GAP43: variants seen among roughly 807,000 people sequenced by gnomAD.
GAP43 encodes the protein growth associated protein 43.
GAP43 carries 6 observed loss-of-function variants against 18.6 expected under a neutral mutation model. The observed-to-expected ratio is 0.32, with a 90% CI of 0.18 to 0.64. The LOEUF (loss-of-function observed/expected upper bound fraction) is 0.64, where lower values mean the gene tolerates loss of function less well. Ranked by LOEUF, GAP43 falls within the 30% of genes least tolerant of loss-of-function variation. The pLI, the probability that GAP43 is intolerant of heterozygous loss-of-function variation, is 0.78. For synonymous variants in GAP43, 115 were observed against 111.4 expected (o/e 1.03, Z -0.20); for missense variants, 292 against 295.5 (o/e 0.99, Z 0.09).
At chr3:115,719,452 A>C (rs1020326075) in intron 2 of GAP43, among the ~76,000 whole-genome samples, 2 of 152,126 alleles carry the variant, frequency 1.3e-5, no homozygotes, top group South Asian at 2.1e-4. Context: ...TTTATGCTGA[A>C]CATCTATTTT....
intron 1 of GAP43, among the ~76,000 whole-genome samples, chr3:115,629,025 A>C (rs1708227194): frequency 6.6e-6 from 1 of 152,198 alleles, no homozygotes; most frequent in African/African-American, 2.4e-5. Flanking sequence ...GATACTGTCC[A>C]TCCAGCCTCA....
At chr3:115,629,394 A>G (rs1019316116) in intron 1 of GAP43, among the ~76,000 whole-genome samples, 15 of 145,448 alleles carry the variant, frequency 1.0e-4, no homozygotes, top group Non-Finnish European at 1.5e-4. Context: ...CCAAATTCCA[A>G]CAGCCCCCCT....
chr3:115,694,470 G>A (rs1175128272), intron 2 of GAP43, among the ~76,000 whole-genome samples: 1 of 152,154 alleles, frequency 6.6e-6, no homozygotes, highest in South Asian at 2.1e-4. Flanking sequence ...AATTACAATA[G>A]CAACAATAAT....
intron 1 of GAP43, among the ~76,000 whole-genome samples, chr3:115,669,635 A>G (rs1655801523): frequency 6.6e-6 from 1 of 152,238 alleles, no homozygotes; most frequent in South Asian, 2.1e-4. Context: ...ACAACTTTTC[A>G]GACTGGAAAC....
At chr3:115,713,372 G>T (rs997079210) in intron 2 of GAP43, among the ~76,000 whole-genome samples, 1 of 152,174 alleles carries the variant, frequency 6.6e-6, no homozygotes, top group East Asian at 1.9e-4. Flanking sequence ...CAGGTCCCAA[G>T]AGGTAATGTT....
chr3:115,666,032 G>GTGTGTGTGTGT (rs1296744042), intron 1 of GAP43, among the ~76,000 whole-genome samples: 2 of 150,336 alleles, frequency 1.3e-5, no homozygotes, highest in African/African-American at 4.9e-5. Context: ...GTGTGTGTGT[G>GTGTGTGTGTGT]GTTGGGGGAT....
chr3:115,681,852 C>T (rs75699585), intron 2 of GAP43, among the ~76,000 whole-genome samples: 219 of 152,204 alleles, frequency 1.4e-3, no homozygotes, highest in African/African-American at 5.1e-3. Context: ...TTTAGGGAGA[C>T]TATGGGACTT....
At chr3:115,657,409 TC>T (rs1708597095) in intron 1 of GAP43, among the ~76,000 whole-genome samples, 1 of 152,178 alleles carries the variant, frequency 6.6e-6, no homozygotes, top group Non-Finnish European at 1.5e-5. Flanking sequence ...TGGGTATTGA[TC>T]AGTTTATGGG....
intron 2 of GAP43, among the ~76,000 whole-genome samples, chr3:115,701,605 T>A (rs192879025): frequency 1.3e-5 from 2 of 152,168 alleles, no homozygotes; most frequent in East Asian, 3.9e-4. Flanking sequence ...GGTAATCTTG[T>A]TCTTGGACCT....
intron 1 of GAP43, among the ~76,000 whole-genome samples, chr3:115,643,879 G>A (rs957151379): frequency 6.6e-6 from 1 of 151,972 alleles, no homozygotes; most frequent in Non-Finnish European, 1.5e-5. Context: ...GTACATATGA[G>A]GTACTCAACA....
chr3:115,660,203 AC>A (rs1256588049), intron 1 of GAP43, among the ~76,000 whole-genome samples: 2 of 152,192 alleles, frequency 1.3e-5, no homozygotes, highest in African/African-American at 4.8e-5. Context: ...GGGTATTGCC[AC>A]ATGGGAGGCT....
At chr3:115,653,804 A>G (rs1185286364) in intron 1 of GAP43, among the ~76,000 whole-genome samples, 2 of 152,160 alleles carry the variant, frequency 1.3e-5, no homozygotes, top group Non-Finnish European at 2.9e-5. Context: ...AAATGTAGGT[A>G]TTGCTATTAT....
rs200282076 is a variant in GAP43, at chr3:115,669,997, A to ATT, written c.31-6006_31-6005dup. On this transcript the variant is annotated intron_variant, in intron 1 of 2. Coordinates refer to ENST00000305124, the MANE Select transcript of GAP43 (RefSeq NM_002045.4). Reference sequence around the variant, plus strand: ...TTTTTTTTTTTTAATTTTTTTTTTAATTTTTTTTTTTATTATACTCTAAGT... The same window carrying ATT: ...TTTTTTTTTTTTAATTTTTTTTTTAATTTTTTTTTTTTTATTATACTCTAAGT... 4.8e-4 allele frequency among the ~76,000 whole-genome samples: 59 copies of ATT among 123,510 alleles called. 1 individual carries two copies. The highest frequency in any genetic ancestry group is 1.2e-3 in the African/African-American group (41 of 32,882). 81.0% of individuals were successfully genotyped at this position (123,510 alleles called of 152,430 possible). A position where few individuals can be genotyped will look rare whatever the true frequency, so the allele number is the denominator to read the frequency against.
At chr3:115,675,899 A>G (rs1708877241) in intron 1 of GAP43, 114 bp from the exon 2 acceptor site, 1 of 1,453,138 alleles carries the variant, frequency 6.9e-7, no homozygotes, top group African/African-American at 1.4e-5. Flanking sequence ...TCTTAACTCC[A>G]AAAACAGTGC....
intron 1 of GAP43, among the ~76,000 whole-genome samples, chr3:115,647,472 T>G (rs1708469705): frequency 6.6e-6 from 1 of 151,832 alleles, no homozygotes; most frequent in African/African-American, 2.4e-5. Context: ...AGTTTGTAAT[T>G]AAAATATACA....
chr3:115,690,843 T>C (rs1267415980), intron 2 of GAP43, among the ~76,000 whole-genome samples: 2 of 149,840 alleles, frequency 1.3e-5, no homozygotes, highest in East Asian at 2.0e-4. Flanking sequence ...GCAAGCTCCG[T>C]CTCCCAGGTT....
chr3:115,688,464 CTAT>C (rs1709062824), intron 2 of GAP43, among the ~76,000 whole-genome samples: 1 of 110,744 alleles, frequency 9.0e-6, no homozygotes, highest in Non-Finnish European at 1.8e-5. Context: ...TTAAAAAACT[CTAT>C]CTATACAATT....
chr3:115,693,555 T>G lies in GAP43; in HGVS notation c.628+16945T>G, dbSNP rs1709141877. Among the ~76,000 whole-genome samples, 3 of 152,318 alleles carry G rather than the reference T, an allele frequency of 2.0e-5. No individual in the cohort carries two copies. In the South Asian group the frequency reaches 6.2e-4, roughly 32 times the overall value. ...ACATTGATATTCATTGCTGATTTTC[T>G]TGGCTCAAATAAACAGCATTAATGC... On this transcript the variant is annotated intron_variant, in intron 2 of 2. Coordinates refer to ENST00000305124, the MANE Select transcript of GAP43 (RefSeq NM_002045.4).
intron 1 of GAP43, among the ~76,000 whole-genome samples, chr3:115,669,997 A>T (rs372490186): frequency 0.039 from 4,834 of 123,374 alleles, 103 homozygotes; most frequent in Middle Eastern, 0.11. Flanking sequence ...TTTTTTTTTA[A>T]TTTTTTTTTT....
Sources: gnomAD v4.1 joint callset for allele counts (sites outside exome capture counted in the v4.1 genomes callset) on GRCh38, gnomAD v4.1.1 for gene constraint, MANE v1.5 for transcripts, NCBI Gene and HGNC (gene_info 2026-07-23, HGNC 2026-07-21) for gene names.